The following ARMC1 variants were observed in gnomAD, a reference collection of about 807,000 sequenced individuals.
ARMC1 encodes the protein armadillo repeat-containing protein 1.
In ARMC1, 16 loss-of-function variants were observed where a neutral mutation model predicts 31.4. The observed-to-expected ratio is 0.51, with a 90% CI of 0.34 to 0.77. The LOEUF (loss-of-function observed/expected upper bound fraction) is 0.77, where lower values mean the gene tolerates loss of function less well. Among genes scored for constraint, ARMC1 ranks in the 30% least tolerant of loss-of-function variants. The pLI is 0.01. For synonymous variants in ARMC1, 114 were observed against 118.9 expected (o/e 0.96, Z 0.27); for missense variants, 259 against 347.5 (o/e 0.75, Z 2.02).
At chr8:65,608,400 G>C (rs1279521135) in intron 4 of ARMC1, among the ~76,000 whole-genome samples, 3 of 152,032 alleles carry the variant, frequency 2.0e-5, no homozygotes, top group Non-Finnish European at 1.5e-5. Flanking sequence ...GTGGTGGTGG[G>C]TGCCTGTAAT....
intron 3 of ARMC1, among the ~76,000 whole-genome samples, chr8:65,615,933 C>G (rs1808241790): frequency 6.6e-6 from 1 of 151,956 alleles, no homozygotes; most frequent in South Asian, 2.1e-4. Flanking sequence ...ATTATTGTTA[C>G]TCCTTTCCAT....
At chr8:65,633,140 G>C (rs542621632) in intron 1 of ARMC1, 1 of 152,204 alleles carries the variant, frequency 6.6e-6, no homozygotes, top group Non-Finnish European at 1.5e-5. Context: ...CCTGTAATTA[G>C]GCAGATGCCT....
rs1038297816 is a variant in ARMC1 at position 65,634,139 on chromosome 8, G to C, written c.-177C>G. The C allele has an allele frequency of 6.6e-6, 1 of 152,378 alleles. No individual in the cohort carries two copies. Among genetic ancestry groups the C allele is most frequent in the Admixed American group, 6.5e-5 (1 of 15,294 alleles). The allele number at this position is 152,378 out of a possible 1,614,324, so 9.4% of individuals were successfully genotyped here. A position where few individuals can be genotyped will look rare whatever the true frequency, so the allele number is the denominator to read the frequency against. ...GATCGCAAGCAACCGGACTAACTCA[G>C]GGAGCCAAAGAGCGAAGGCGCTGGC... is the stretch of plus-strand genomic sequence containing the variant. On this transcript the variant is annotated 5_prime_UTR_variant, in exon 1 of 7. Coordinates refer to ENST00000276569, the MANE Select transcript of ARMC1 (RefSeq NM_018120.6).
rs1222813083 is a variant in ARMC1 at position 65,603,356 on chromosome 8, A to AC, written c.*1037dup. ...ATTTGGGTCTTTTTCATTCAACACA[A>AC]CGCAGCATTTTCATAATAAATTCAC... On this transcript the variant is annotated 3_prime_UTR_variant, in exon 7 of 7. Coordinates refer to ENST00000276569, the MANE Select transcript of ARMC1 (RefSeq NM_018120.6). 1 of 152,172 alleles carries AC rather than the reference A, an allele frequency of 6.6e-6. No individual in the cohort carries two copies. The highest frequency in any genetic ancestry group is 1.9e-4 in the East Asian group (1 of 5,196). The allele number at this position is 152,172 out of a possible 1,614,324, so 9.4% of individuals were successfully genotyped here. A position where few individuals can be genotyped will look rare whatever the true frequency, so the allele number is the denominator to read the frequency against.
intron 4 of ARMC1, among the ~76,000 whole-genome samples, chr8:65,606,782 T>C (rs891620974): frequency 6.6e-6 from 1 of 152,218 alleles, no homozygotes; most frequent in Non-Finnish European, 1.5e-5. Flanking sequence ...CTCATCACTT[T>C]AGCCATCACT....
intron 4 of ARMC1, among the ~76,000 whole-genome samples, chr8:65,607,905 A>C (rs1029002789): frequency 6.6e-6 from 1 of 152,130 alleles, no homozygotes; most frequent in Non-Finnish European, 1.5e-5. Context: ...ACTGGTCATT[A>C]AGTTTAAAAA....
intron 1 of ARMC1, among the ~76,000 whole-genome samples, 183 bp from the exon 2 acceptor site, chr8:65,627,616 A>C (rs1808542596): frequency 6.6e-6 from 1 of 152,218 alleles, no homozygotes; most frequent in Non-Finnish European, 1.5e-5. Flanking sequence ...CGACTGAAAA[A>C]ATTTGTGTGC....
chr8:65,612,993 TCTAA>T (rs1808175191), intron 4 of ARMC1, among the ~76,000 whole-genome samples: 1 of 152,248 alleles, frequency 6.6e-6, no homozygotes, highest in Non-Finnish European at 1.5e-5. Flanking sequence ...TGTTAAAATC[TCTAA>T]CTGTGGATTT....
intron 4 of ARMC1, among the ~76,000 whole-genome samples, chr8:65,610,858 T>A (rs754954486): frequency 6.6e-6 from 1 of 152,198 alleles, no homozygotes. Context: ...TGAGCTTCGG[T>A]CATCTGTGTC....
At chr8:65,607,440 C>T (rs1385912492) in intron 4 of ARMC1, among the ~76,000 whole-genome samples, 1 of 152,204 alleles carries the variant, frequency 6.6e-6, no homozygotes, top group East Asian at 1.9e-4. Flanking sequence ...CAGGTAGAGT[C>T]TGGTACTAAA....
intron 1 of ARMC1, among the ~76,000 whole-genome samples, chr8:65,630,152 A>G (rs1335508443): frequency 6.6e-6 from 1 of 152,156 alleles, no homozygotes. Context: ...CAAAAGCAAA[A>G]CAGAAAAAAA....
At chr8:65,608,220 T>C (rs770428594) in intron 4 of ARMC1, among the ~76,000 whole-genome samples, 7 of 152,224 alleles carry the variant, frequency 4.6e-5, no homozygotes, top group Non-Finnish European at 1.0e-4. Context: ...GAAATTATAA[T>C]ATTGTGATTA....
At chr8:65,609,937 G>A (rs973283573) in intron 4 of ARMC1, among the ~76,000 whole-genome samples, 5 of 151,356 alleles carry the variant, frequency 3.3e-5, no homozygotes, top group Non-Finnish European at 4.4e-5. Context: ...TTGCTAAAGA[G>A]GTAAGTGGTA....
intron 3 of ARMC1, among the ~76,000 whole-genome samples, chr8:65,616,395 G>A (rs532694458): frequency 3.9e-5 from 6 of 152,238 alleles, no homozygotes; most frequent in Admixed American, 6.5e-5. Context: ...TCGGCCTCCC[G>A]AGGTGCCGGG....
At chr8:65,633,340 T>C (rs1299756599) in intron 1 of ARMC1, among the ~76,000 whole-genome samples, 1 of 152,262 alleles carries the variant, frequency 6.6e-6, no homozygotes, top group Non-Finnish European at 1.5e-5. Context: ...TAACTGTAAC[T>C]TTGAGAAGTT....
At chr8:65,628,377 G>A (rs1031503950) in intron 1 of ARMC1, among the ~76,000 whole-genome samples, 1 of 140,750 alleles carries the variant, frequency 7.1e-6, no homozygotes, top group Non-Finnish European at 1.5e-5. Context: ...CAGCCTCCTA[G>A]CCACGCCCGG....
intron 3 of ARMC1, among the ~76,000 whole-genome samples, chr8:65,618,202 C>T (rs182081203): frequency 1.4e-4 from 22 of 152,104 alleles, no homozygotes; most frequent in Admixed American, 3.9e-4. Context: ...GCATGAGCCA[C>T]GGCACCCAGC....
chr8:65,629,398 G>A (rs1808586520), intron 1 of ARMC1, among the ~76,000 whole-genome samples: 1 of 152,138 alleles, frequency 6.6e-6, no homozygotes, highest in Non-Finnish European at 1.5e-5. Flanking sequence ...GTAAAAGGCT[G>A]GCAGATAGGC....
intron 3 of ARMC1, among the ~76,000 whole-genome samples, chr8:65,617,282 T>C (rs1018029128): frequency 2.6e-5 from 4 of 152,242 alleles, no homozygotes; most frequent in Admixed American, 2.0e-4. Flanking sequence ...CTAAGAAAAA[T>C]TCTTCTGCCT....
Sources: allele counts gnomAD v4.1 joint callset (sites outside exome capture counted in the v4.1 genomes callset), GRCh38; gene constraint gnomAD v4.1.1; transcripts MANE v1.5; gene names NCBI Gene and HGNC (gene_info 2026-07-23, HGNC 2026-07-21).